The following RASGRP1 variants were observed in gnomAD, a reference collection of about 807,000 sequenced individuals.
RASGRP1 encodes the protein RAS guanyl releasing protein 1.
A neutral mutation model predicts 95.1 loss-of-function variants in RASGRP1; 37 were observed. The observed-to-expected ratio is 0.39, with a 90% CI of 0.30 to 0.51. The LOEUF is 0.51. Ranked by LOEUF, RASGRP1 falls within the 20% of genes least tolerant of loss-of-function variation. RASGRP1 has a pLI of 0.80. For synonymous variants in RASGRP1, 325 were observed against 353.4 expected, an observed-to-expected ratio of 0.92 and a Z score of 0.90; for missense variants, 711 against 965.4, an observed-to-expected ratio of 0.74 and a Z score of 3.49.
At chr15:38,501,876 C>G (rs1437412879) in intron 12 of RASGRP1, among the ~76,000 whole-genome samples, 1 of 143,392 alleles carries the variant, frequency 7.0e-6, no homozygotes, top group Non-Finnish European at 1.5e-5. Flanking sequence ...TTTTTTGAGA[C>G]AGGTTTTTGC....
At chr15:38,500,253 A>C (rs1470146279) in intron 13 of RASGRP1, 114 bp from the exon 14 acceptor site, 1 of 1,001,724 alleles carries the variant, frequency 1.0e-6, no homozygotes, top group Non-Finnish European at 1.5e-6. Flanking sequence ...GTGGGAAGGA[A>C]ACCTCATTTA....
At chr15:38,542,904 T>TATGTGTATATATAC (rs1555403812) in intron 2 of RASGRP1, among the ~76,000 whole-genome samples, 5 of 141,324 alleles carry the variant, frequency 3.5e-5, no homozygotes, top group South Asian at 2.2e-4. Flanking sequence ...TGTATATATA[T>TATGTGTATATATAC]ACACATATAT....
At chr15:38,497,395 T>A (rs1448130221) in intron 15 of RASGRP1, among the ~76,000 whole-genome samples, 1 of 152,152 alleles carries the variant, frequency 6.6e-6, no homozygotes, top group Non-Finnish European at 1.5e-5. Flanking sequence ...TAACACCTTT[T>A]TTTTTTTCCC....
At chr15:38,551,545 A>G (rs1956568628) in intron 2 of RASGRP1, among the ~76,000 whole-genome samples, 1 of 152,222 alleles carries the variant, frequency 6.6e-6, no homozygotes, top group Non-Finnish European at 1.5e-5. Context: ...GGGTTAAGTA[A>G]AACTGATTAA....
chr15:38,528,586 G>A (rs1283829569), intron 2 of RASGRP1, among the ~76,000 whole-genome samples: 3 of 151,852 alleles, frequency 2.0e-5, no homozygotes, highest in Admixed American at 2.0e-4. Flanking sequence ...TCTCTCTCAG[G>A]CTCTTCTTCT....
intron 6 of RASGRP1, among the ~76,000 whole-genome samples, chr15:38,514,382 A>T (rs1180688406): frequency 5.9e-5 from 9 of 152,210 alleles, no homozygotes; most frequent in African/African-American, 1.7e-4. Flanking sequence ...TCATTCAATT[A>T]ATATATTCCA....
chr15:38,532,501 T>A lies in RASGRP1; in HGVS notation c.221-6097A>T, dbSNP rs530100327. On this transcript the variant is annotated intron_variant, in intron 2 of 16. Transcript: ENST00000310803. ...CTGTCTCTGGGCCAACAGCCTATTTTCCACCGTTAGACTCAGTGCTGGCAT... is the reference window on the plus strand; with the variant it reads ...CTGTCTCTGGGCCAACAGCCTATTTACCACCGTTAGACTCAGTGCTGGCAT... Among the ~76,000 whole-genome samples, 69 of 152,298 alleles carry A rather than the reference T, an allele frequency of 4.5e-4. 1 individual carries two copies. Among genetic ancestry groups the A allele is most frequent in the African/African-American group, 1.5e-3 (61 of 41,566 alleles).
At chr15:38,534,845 T>TA (rs1402136459) in intron 2 of RASGRP1, among the ~76,000 whole-genome samples, 1 of 152,196 alleles carries the variant, frequency 6.6e-6, no homozygotes, top group Non-Finnish European at 1.5e-5. Context: ...GTTCTATTGA[T>TA]ATTCACTGTC....
intron 2 of RASGRP1, among the ~76,000 whole-genome samples, chr15:38,539,179 A>G (rs1440128832): frequency 2.6e-5 from 4 of 152,164 alleles, no homozygotes; most frequent in East Asian, 1.9e-4. Flanking sequence ...TTTCCACCAG[A>G]TACCACTGCC....
intron 13 of RASGRP1, among the ~76,000 whole-genome samples, chr15:38,500,934 C>T (rs1820275029): frequency 6.6e-6 from 1 of 152,026 alleles, no homozygotes. Flanking sequence ...TTATCTAAGG[C>T]CTCATTGCAA....
intron 2 of RASGRP1, among the ~76,000 whole-genome samples, chr15:38,550,070 C>A (rs1387879085): frequency 6.6e-6 from 1 of 151,692 alleles, no homozygotes; most frequent in Non-Finnish European, 1.5e-5. Flanking sequence ...CCAGCCTGGG[C>A]AACATGGTGA....
intron 16 of RASGRP1, 62 bp from the exon 17 acceptor site, chr15:38,490,750 A>C: frequency 6.7e-7 from 1 of 1,483,880 alleles, no homozygotes; most frequent in Non-Finnish European, 9.1e-7. Context: ...ATGAATTACA[A>C]ATTGAGAGCT....
At chr15:38,529,422 A>G (rs908195039) in intron 2 of RASGRP1, among the ~76,000 whole-genome samples, 2 of 152,092 alleles carry the variant, frequency 1.3e-5, no homozygotes, top group Non-Finnish European at 2.9e-5. Context: ...TTCCTACCTC[A>G]GGGCCTTTGC....
chr15:38,563,294 A>C (rs1235066497), intron 1 of RASGRP1, among the ~76,000 whole-genome samples: 1 of 152,244 alleles, frequency 6.6e-6, no homozygotes, highest in African/African-American at 2.4e-5. Context: ...TTTTTTAAAA[A>C]AATACAGTAG....
Position 38,512,656 on chromosome 15 carries a change from C to T in RASGRP1, c.849+127G>A, listed in dbSNP as rs1342065242. On this transcript the variant is annotated intron_variant, in intron 7 of 16. Transcript: ENST00000310803. ...CTAGATCTGGTTGAAGGCACACAAA[C>T]CTCTCCACCCCCTCGCCATGGTTCA... The T allele has an allele frequency of 3.4e-6, 4 of 1,174,844 alleles. No homozygotes were observed. The African/African-American group carries it at 6.2e-5, about 18-fold the overall frequency. The allele number at this position is 1,174,844 out of a possible 1,614,324, so 72.8% of individuals were successfully genotyped here.
intron 6 of RASGRP1, among the ~76,000 whole-genome samples, chr15:38,513,461 CT>C: frequency 6.6e-6 from 1 of 152,266 alleles, no homozygotes; most frequent in South Asian, 2.1e-4. Flanking sequence ...AAAGCTTTAA[CT>C]TTTTAAAGTG....
chr15:38,505,870 A>G lies in RASGRP1; in HGVS notation c.1293T>C (p.Tyr431=). ...CTCTGTGGTTCCTTGGTTCCCGGGC[A>G]TAGGAAAGCTCATAGATTTCATCCT... is the stretch of plus-strand genomic sequence containing the variant. ...YTEDEIYELS[Y]AREPRNHRAP... The change falls in exon 10 of 17, where the codon TAT becomes TAC. Residue 431 remains tyrosine, a synonymous_variant. Transcript: ENST00000310803. 6.2e-7 allele frequency: 1 copy of G among 1,612,282 alleles called. No homozygotes were observed.
At chr15:38,513,070 TG>T (rs753122097) in intron 6 of RASGRP1, 114 bp from the exon 7 acceptor site, 4 of 1,124,364 alleles carry the variant, frequency 3.6e-6, no homozygotes, top group Non-Finnish European at 3.6e-6. Context: ...GGAACTGCCA[TG>T]GAACAGAGGA....
At chr15:38,490,948 T>C (rs887350064) in intron 16 of RASGRP1, among the ~76,000 whole-genome samples, 7 of 152,144 alleles carry the variant, frequency 4.6e-5, no homozygotes, top group African/African-American at 1.7e-4. Flanking sequence ...TTCCGAGCAA[T>C]AGGTAGATAA....
Sources: allele counts gnomAD v4.1 joint callset (sites outside exome capture counted in the v4.1 genomes callset), GRCh38; gene constraint gnomAD v4.1.1; transcripts MANE v1.5; gene names NCBI Gene and HGNC (gene_info 2026-07-23, HGNC 2026-07-21).